Variants in PCDH15 observed in about 807,000 individuals in gnomAD.
PCDH15 encodes the protein protocadherin related 15.
PCDH15 carries 129 observed loss-of-function variants against 178.5 expected under a neutral mutation model. The observed-to-expected ratio is 0.72, with a 90% CI of 0.63 to 0.84. The LOEUF is 0.84. PCDH15 is among the 40% of genes least tolerant of loss of function. The probability of loss-of-function intolerance (pLI) is 0.00; values close to 1 mark genes in which losing one functional copy is unlikely to be tolerated. For missense variants in PCDH15, 2,230 were observed against 2,099.9 expected (o/e 1.06, Z -1.21); for synonymous variants, 800 against 732.0 (o/e 1.09, Z -1.50).
At chr10:55,416,367 T>A (rs1246584886) in intron 2 of PCDH15, among the ~76,000 whole-genome samples, 1 of 151,802 alleles carries the variant, frequency 6.6e-6, no homozygotes, top group Non-Finnish European at 1.5e-5. Context: ...TTGCTATCCA[T>A]CATATTCTCA....
At chr10:54,667,125 G>T (rs189007885) in intron 1 of PCDH15, among the ~76,000 whole-genome samples, 138 of 151,958 alleles carry the variant, frequency 9.1e-4, no homozygotes, top group African/African-American at 3.3e-3. Context: ...GATAATTTTA[G>T]GGGAAATATT....
chr10:55,134,010 A>C (rs1838126554), intron 2 of PCDH15, among the ~76,000 whole-genome samples: 1 of 152,174 alleles, frequency 6.6e-6, no homozygotes, highest in Non-Finnish European at 1.5e-5. Context: ...TCCTTTAAAA[A>C]TTTAATATAA....
At chr10:54,026,756 C>T (rs569389466) in intron 18 of PCDH15, among the ~76,000 whole-genome samples, 1 of 152,162 alleles carries the variant, frequency 6.6e-6, no homozygotes, top group South Asian at 2.1e-4. Context: ...ATGCTAAAAA[C>T]TCTCAATAAA....
chr10:54,522,005 G>A (rs201170024), intron 3 of PCDH15, among the ~76,000 whole-genome samples: 19 of 148,130 alleles, frequency 1.3e-4, no homozygotes, highest in Middle Eastern at 3.6e-3. Flanking sequence ...GGAGAATGGC[G>A]TGAACCTGGG....
rs549432430 is a variant in PCDH15, at chr10:54,966,419, T to C, written c.-79-68919A>G. Among the ~76,000 whole-genome samples the C allele has an allele frequency of 1.2e-4, 18 of 152,232 alleles. No homozygotes were observed. The South Asian group carries it at 3.5e-3, about 30-fold the overall frequency. ...TTCACTGAACATCCTAGAATGCACTTACATAAACCTAGATGGTATATCCTA... is the reference window on the plus strand; with the variant it reads ...TTCACTGAACATCCTAGAATGCACTCACATAAACCTAGATGGTATATCCTA... On this transcript the variant is annotated intron_variant, in intron 2 of 5. Transcript: ENST00000458638.
At chr10:54,490,373 C>G (rs1201615575) in intron 3 of PCDH15, among the ~76,000 whole-genome samples, 2 of 151,934 alleles carry the variant, frequency 1.3e-5, no homozygotes. Flanking sequence ...TGGCATGAAC[C>G]CGGGAGGCAG....
At chr10:54,779,408 A>ATATATATACACACACATATATGTG in intron 1 of PCDH15, among the ~76,000 whole-genome samples, 1 of 17,996 alleles carries the variant, frequency 5.6e-5, no homozygotes, top group East Asian at 2.1e-3. Context: ...ATATATATGT[A>ATATATATACACACACATATATGTG]TATATATATA....
At chr10:54,728,343 A>T (rs888552244) in intron 1 of PCDH15, among the ~76,000 whole-genome samples, 1 of 151,538 alleles carries the variant, frequency 6.6e-6, no homozygotes, top group African/African-American at 2.4e-5. Flanking sequence ...AAACCACGTG[A>T]TTATCTCAAT....
At chr10:54,702,694 C>A (rs1048145982) in intron 1 of PCDH15, among the ~76,000 whole-genome samples, 76 of 151,876 alleles carry the variant, frequency 5.0e-4, no homozygotes, top group African/African-American at 1.8e-3. Context: ...ATAATGAGTT[C>A]CAAAATTAAA....
intron 2 of PCDH15, among the ~76,000 whole-genome samples, chr10:55,437,070 A>G (rs572251587): frequency 6.6e-6 from 1 of 152,288 alleles, no homozygotes; most frequent in South Asian, 2.1e-4. Context: ...TTGGTTTCAC[A>G]TAATATAAAA....
At chr10:54,550,007 C>T (rs540478124) in intron 2 of PCDH15, among the ~76,000 whole-genome samples, 1 of 152,092 alleles carries the variant, frequency 6.6e-6, no homozygotes, top group South Asian at 2.1e-4. Flanking sequence ...CTCCTATAGA[C>T]TCTTTAAAAC....
intron 2 of PCDH15, among the ~76,000 whole-genome samples, chr10:55,433,809 T>C (rs558832836): frequency 6.6e-6 from 1 of 152,204 alleles, no homozygotes; most frequent in African/African-American, 2.4e-5. Flanking sequence ...TCTTCGTGCC[T>C]GGTGTAAGGC....
At chr10:53,873,640 C>T (rs1291477443) in intron 26 of PCDH15, among the ~76,000 whole-genome samples, 2 of 151,936 alleles carry the variant, frequency 1.3e-5, no homozygotes, top group Admixed American at 6.5e-5. Context: ...AACAAATGTT[C>T]GATAAAATAT....
intron 1 of PCDH15, among the ~76,000 whole-genome samples, chr10:54,761,500 G>T (rs1947870061): frequency 6.6e-6 from 1 of 151,854 alleles, no homozygotes; most frequent in South Asian, 2.1e-4. Context: ...TGGCCAACAT[G>T]GGGGAAACCC....
At chr10:53,834,915 C>G (rs1900417) in intron 29 of PCDH15, among the ~76,000 whole-genome samples, 3 of 151,870 alleles carry the variant, frequency 2.0e-5, no homozygotes, top group Admixed American at 1.3e-4. Context: ...GTACTCTAGA[C>G]AGTAGAGGGA....
At chr10:54,966,728 C>T (rs1838802944) in intron 2 of PCDH15, among the ~76,000 whole-genome samples, 1 of 152,014 alleles carries the variant, frequency 6.6e-6, no homozygotes, top group Admixed American at 6.6e-5. Context: ...TAAGTGGTTT[C>T]CCCTTTCACT....
intron 3 of PCDH15, among the ~76,000 whole-genome samples, chr10:54,839,589 T>C (rs1953380893): frequency 6.6e-6 from 1 of 152,080 alleles, no homozygotes; most frequent in South Asian, 2.1e-4. Flanking sequence ...GTAGAAAGCA[T>C]ATTTTAAGAA....
At chr10:55,627,559 T>A (rs771305878) in intron 2 of PCDH15, 3 of 151,960 alleles carry the variant, frequency 2.0e-5, no homozygotes, top group Non-Finnish European at 4.4e-5. Context: ...GAGAAGAATG[T>A]TTCCATGAAA....
At chr10:54,385,513 T>C (rs540078794) in intron 3 of PCDH15, among the ~76,000 whole-genome samples, 67 of 152,256 alleles carry the variant, frequency 4.4e-4, no homozygotes, top group African/African-American at 1.6e-3. Flanking sequence ...AATTCTGTCA[T>C]TTTTTTCTAT....
Sources: gnomAD v4.1 joint callset for allele counts (sites outside exome capture counted in the v4.1 genomes callset) on GRCh38, gnomAD v4.1.1 for gene constraint, MANE v1.5 for transcripts, NCBI Gene and HGNC (gene_info 2026-07-23, HGNC 2026-07-21) for gene names.